DIP2B: variants seen among roughly 807,000 people sequenced by gnomAD.
The protein encoded by DIP2B is disco-interacting protein 2 homolog B.
DIP2B carries 76 observed loss-of-function variants against 198.0 expected under a neutral mutation model. That is an observed-to-expected ratio of 0.38 (90% CI 0.32 to 0.46). The LOEUF is 0.46. Among genes scored for constraint, DIP2B ranks in the 20% least tolerant of loss-of-function variants. The pLI is 0.99. For missense variants in DIP2B, 1,559 were observed against 1,978.4 expected (o/e 0.79, Z 4.02); for synonymous variants, 701 against 739.1 (o/e 0.95, Z 0.84).
chr12:50,559,714 C>CACACACAA (rs1164242882), intron 1 of DIP2B, among the ~76,000 whole-genome samples: 1 of 148,400 alleles, frequency 6.7e-6, no homozygotes, highest in Non-Finnish European at 1.5e-5. Flanking sequence ...AGAAACCACA[C>CACACACAA]ACACACACAC....
chr12:50,544,420 C>T (rs796724608), intron 1 of DIP2B, among the ~76,000 whole-genome samples: 11 of 152,210 alleles, frequency 7.2e-5, no homozygotes, highest in South Asian at 2.1e-4. Context: ...GATTCTCCCG[C>T]GTCAGCCACC....
Position 50,691,120 on chromosome 12 carries a change from A to G in DIP2B, c.1623A>G (p.Gln541=), listed in dbSNP as rs1463320599. 1.2e-6 allele frequency: 2 copies of G among 1,613,988 alleles called. No homozygotes were observed. The highest frequency in any genetic ancestry group is 2.7e-5 in the African/African-American group (2 of 74,888). ...VSRLAMLSHC[Q]ALSQACNYSE... is the part of the protein sequence containing the mutation. ...GGCTTGCAATGTTGTCTCACTGCCA[A>G]GCTCTGTCGCAGGCCTGCAATTATT... Residue 541 remains glutamine, a synonymous_variant, in exon 13 of 38, where the codon CAA becomes CAG. Transcript: ENST00000301180.
intron 1 of DIP2B, among the ~76,000 whole-genome samples, chr12:50,564,231 T>A (rs527490992): frequency 6.6e-6 from 1 of 152,304 alleles, no homozygotes; most frequent in African/African-American, 2.4e-5. Context: ...GTTTCTAATC[T>A]AACCACCATC....
intron 1 of DIP2B, among the ~76,000 whole-genome samples, chr12:50,585,845 A>T (rs1323170584): frequency 2.0e-5 from 3 of 152,234 alleles, no homozygotes; most frequent in Admixed American, 2.0e-4. Context: ...TAAGAGGATA[A>T]CACTTTTGTC....
intron 1 of DIP2B, among the ~76,000 whole-genome samples, chr12:50,530,903 T>C (rs1958211112): frequency 6.6e-6 from 1 of 152,122 alleles, no homozygotes; most frequent in South Asian, 2.1e-4. Flanking sequence ...TTTGGGGACA[T>C]GCAAATGGAG....
intron 1 of DIP2B, among the ~76,000 whole-genome samples, chr12:50,515,010 A>G (rs141052367): frequency 2.0e-5 from 3 of 151,838 alleles, no homozygotes. Context: ...TTGCATGAGA[A>G]TATGCTTGCT....
chr12:50,534,140 G>A (rs1032003445), intron 1 of DIP2B, among the ~76,000 whole-genome samples: 1 of 152,050 alleles, frequency 6.6e-6, no homozygotes, highest in Admixed American at 6.6e-5. Flanking sequence ...CATGTATTCT[G>A]GGGAATAAAA....
In DIP2B at chr12:50,513,873, C is replaced by CAAA. The variant is rs58479646; in HGVS notation, c.100+8647_100+8649dup. Among the ~76,000 whole-genome samples, 5 of 127,112 alleles carry CAAA rather than the reference C, an allele frequency of 3.9e-5. 1 individual carries two copies. The East Asian group carries it at 6.9e-4, about 18-fold the overall frequency. 83.4% of individuals were successfully genotyped at this position (127,112 alleles called of 152,430 possible). A position where few individuals can be genotyped will look rare whatever the true frequency, so the allele number is the denominator to read the frequency against. On this transcript the variant is annotated intron_variant, in intron 1 of 37. Transcript: ENST00000301180. Reference sequence around the variant, plus strand: ...TGGGAGATAGAGTGGGACTCCGTCTCAAAAAAAAAAAAAAAAGTGTTCTTG... The same window carrying CAAA: ...TGGGAGATAGAGTGGGACTCCGTCTCAAAAAAAAAAAAAAAAAAAGTGTTCTTG...
intron 1 of DIP2B, among the ~76,000 whole-genome samples, chr12:50,556,860 C>T (rs1958476281): frequency 6.6e-6 from 1 of 152,198 alleles, no homozygotes; most frequent in Non-Finnish European, 1.5e-5. Flanking sequence ...CAGGCATTCG[C>T]CACCACACCC....
chr12:50,537,851 G>A (rs999142412), intron 1 of DIP2B, among the ~76,000 whole-genome samples: 15 of 152,180 alleles, frequency 9.9e-5, no homozygotes, highest in African/African-American at 3.6e-4. Context: ...CCTATGGAGA[G>A]CTTAGGATAA....
Position 50,513,720 on chromosome 12 carries a change from A to AG in DIP2B, c.100+8480_100+8481insG, listed in dbSNP as rs562842513. ...GAAACCCCGTCTCTACTAAAAATACACAAACTAGCCGGGCATGGTGGCAGG... is the reference window on the plus strand; with the variant it reads ...GAAACCCCGTCTCTACTAAAAATACAGCAAACTAGCCGGGCATGGTGGCAGG... On this transcript the variant is annotated intron_variant, in intron 1 of 37. Coordinates refer to ENST00000301180, the MANE Select transcript of DIP2B (RefSeq NM_173602.3). Among the ~76,000 whole-genome samples, 716 of 152,146 alleles carry AG rather than the reference A, an allele frequency of 4.7e-3. 9 individuals carry two copies. The highest frequency in any genetic ancestry group is 0.016 in the African/African-American group (678 of 41,516).
At position 50,731,375 on chromosome 12, in the gene DIP2B, T is replaced by C. The variant is rs1480389349; in HGVS notation, c.3648T>C (p.Tyr1216=). 6.2e-7 allele frequency: 1 copy of C among 1,613,720 alleles called. No individual in the cohort carries two copies. Among genetic ancestry groups the C allele is most frequent in the Non-Finnish European group, 8.5e-7 (1 of 1,179,764 alleles). ...CTTGTCTCTTTCACTGCAGTGTCTA[T>C]TCAGGCCACCAGTCTGTCTTAATTC... ...GFALWCLCSV[Y]SGHQSVLIPP... The change falls in exon 31 of 38, where the codon TAT becomes TAC. Residue 1216 remains tyrosine (Y), a synonymous_variant. Transcript: ENST00000301180.
chr12:50,657,595 C>T (rs1412567140), intron 3 of DIP2B, among the ~76,000 whole-genome samples: 1 of 151,026 alleles, frequency 6.6e-6, no homozygotes, highest in Admixed American at 6.6e-5. Flanking sequence ...AGTTGGAGAC[C>T]AGCCTGGGCA....
At chr12:50,584,353 C>G (rs1389441217) in intron 1 of DIP2B, among the ~76,000 whole-genome samples, 1 of 152,106 alleles carries the variant, frequency 6.6e-6, no homozygotes, top group Non-Finnish European at 1.5e-5. Flanking sequence ...CTGTCCAGCC[C>G]TTCAGCAGTT....
intron 1 of DIP2B, among the ~76,000 whole-genome samples, chr12:50,577,796 A>C (rs1271480319): frequency 1.3e-5 from 2 of 152,034 alleles, no homozygotes; most frequent in Non-Finnish European, 2.9e-5. Context: ...ATTAAAGTAA[A>C]ATTAAAAAAA....
intron 1 of DIP2B, among the ~76,000 whole-genome samples, chr12:50,603,474 C>T (rs1297821049): frequency 6.6e-6 from 1 of 152,082 alleles, no homozygotes. Context: ...TACGGTGGCT[C>T]ATGCCTATAA....
chr12:50,565,219 A>G (rs11169492), intron 1 of DIP2B, among the ~76,000 whole-genome samples: 48,479 of 150,762 alleles, frequency 0.32, 7,918 homozygotes, highest in South Asian at 0.39. Flanking sequence ...CTTGTCTTGA[A>G]CTCCTGGGCT....
At chr12:50,703,446 A>G (rs1392319987) in intron 19 of DIP2B, among the ~76,000 whole-genome samples, 2 of 152,228 alleles carry the variant, frequency 1.3e-5, no homozygotes, top group South Asian at 2.1e-4. Flanking sequence ...GTACAGATGC[A>G]TAAATGAATA....
At chr12:50,718,907 T>A in intron 24 of DIP2B, 48 bp from the exon 25 acceptor site, 2 of 1,612,914 alleles carry the variant, frequency 1.2e-6, no homozygotes, top group Non-Finnish European at 1.7e-6. Context: ...TTATATGACT[T>A]GTTATAAGTT....
Sources: allele counts gnomAD v4.1 joint callset (sites outside exome capture counted in the v4.1 genomes callset), GRCh38; gene constraint gnomAD v4.1.1; transcripts MANE v1.5; gene names NCBI Gene and HGNC (gene_info 2026-07-23, HGNC 2026-07-21).